The following EIF3E variants were observed in gnomAD, a reference collection of about 807,000 sequenced individuals.
EIF3E encodes the protein eukaryotic translation initiation factor 3 subunit E.
A neutral mutation model predicts 59.3 loss-of-function variants in EIF3E; 25 were observed. That is an observed-to-expected ratio of 0.42 (90% CI 0.31 to 0.59). EIF3E has a LOEUF of 0.59. Among genes scored for constraint, EIF3E ranks in the 20% least tolerant of loss-of-function variants. The probability of loss-of-function intolerance (pLI) is 0.15; values close to 1 mark genes in which losing one functional copy is unlikely to be tolerated. For synonymous variants in EIF3E, 176 were observed against 170.2 expected (o/e 1.03, Z -0.26); for missense variants, 317 against 534.3 (o/e 0.59, Z 4.01).
intron 7 of EIF3E, among the ~76,000 whole-genome samples, chr8:108,219,557 G>C (rs1586197794): frequency 6.6e-6 from 1 of 152,060 alleles, no homozygotes; most frequent in African/African-American, 2.4e-5. Flanking sequence ...AATCTGTAAT[G>C]AGATTTTACA....
rs767338182 is a variant in EIF3E, at chr8:108,229,210, A to G, written c.472-15T>C. On this transcript the variant is annotated splice_polypyrimidine_tract_variant and intron_variant, in intron 5 of 12. Coordinates refer to ENST00000220849, the MANE Select transcript of EIF3E (RefSeq NM_001568.3). Reference sequence around the variant, plus strand: ...GTTGCTGGAACCTGTTTAAGAAATCATAATTAATTATATTGTGAATACTCT... The same window carrying G: ...GTTGCTGGAACCTGTTTAAGAAATCGTAATTAATTATATTGTGAATACTCT... The G allele has an allele frequency of 1.2e-6, 2 of 1,610,490 alleles. No homozygotes were observed. The highest frequency in any genetic ancestry group is 1.3e-5 in the African/African-American group (1 of 74,722).
At chr8:108,243,647 A>G (rs1165792614) in intron 1 of EIF3E, among the ~76,000 whole-genome samples, 1 of 149,794 alleles carries the variant, frequency 6.7e-6, no homozygotes. Flanking sequence ...AGAAAAAAAA[A>G]AAAAAAAAAA....
At chr8:108,235,244 T>C (rs1356319346) in intron 4 of EIF3E, 142 bp from the exon 5 acceptor site, 3 of 486,960 alleles carry the variant, frequency 6.2e-6, no homozygotes, top group Non-Finnish European at 1.1e-5. Flanking sequence ...AATGTATCTC[T>C]GATTATGGTA....
Position 108,202,977 on chromosome 8 carries a change from T to A in EIF3E, c.1299+6A>T, listed in dbSNP as rs1231165198. The A allele has an allele frequency of 6.2e-7, 1 of 1,610,288 alleles. No individual in the cohort carries two copies. Among genetic ancestry groups the A allele is most frequent in the African/African-American group, 1.3e-5 (1 of 74,750 alleles). ...CCAGACAGAATAGAAGATGTGTGGT[T>A]CTTACCTCTGACCTGCTATTCTGAT... On this transcript the variant is annotated splice_donor_region_variant and intron_variant, in intron 12 of 12. Transcript: ENST00000220849.
intron 5 of EIF3E, among the ~76,000 whole-genome samples, chr8:108,231,133 A>G (rs1376674499): frequency 6.6e-6 from 1 of 152,200 alleles, no homozygotes; most frequent in African/African-American, 2.4e-5. Context: ...TTGAAAATTT[A>G]AAAACTGGTT....
intron 10 of EIF3E, among the ~76,000 whole-genome samples, 160 bp from the exon 11 acceptor site, chr8:108,203,663 C>A (rs563000051): frequency 6.6e-6 from 1 of 152,176 alleles, no homozygotes; most frequent in East Asian, 1.9e-4. Flanking sequence ...TGTTCATGTG[C>A]TTGTGCCTAT....
intron 5 of EIF3E, among the ~76,000 whole-genome samples, chr8:108,234,067 C>T (rs1371019133): frequency 6.6e-6 from 1 of 152,064 alleles, no homozygotes; most frequent in East Asian, 1.9e-4. Context: ...GAGTCTTGTT[C>T]TGTCACCCAG....
chr8:108,247,296 TCTA>T (rs1815965927), intron 1 of EIF3E, among the ~76,000 whole-genome samples: 1 of 152,194 alleles, frequency 6.6e-6, no homozygotes, highest in Non-Finnish European at 1.5e-5. Flanking sequence ...CAGAAGTACT[TCTA>T]CAAGCAGCTG....
chr8:108,225,105 A>C (rs915787862), intron 7 of EIF3E, among the ~76,000 whole-genome samples: 1 of 151,748 alleles, frequency 6.6e-6, no homozygotes, highest in Non-Finnish European at 1.5e-5. Flanking sequence ...AACAAGATGA[A>C]CCAGCTGCTT....
chr8:108,234,751 T>TA (rs1380260948), intron 5 of EIF3E: 1 of 288,042 alleles, frequency 3.5e-6, no homozygotes, highest in African/African-American at 2.2e-5. Context: ...CTAAAAATCA[T>TA]AAAATTGTTC....
In EIF3E at chr8:108,217,315, A is replaced by T; in HGVS notation, c.849+19T>A. 6.6e-7 allele frequency: 1 copy of T among 1,506,842 alleles called. No individual in the cohort carries two copies. The highest frequency in any genetic ancestry group is 2.5e-5 in the East Asian group (1 of 40,490). 93.3% of individuals were successfully genotyped at this position (1,506,842 alleles called of 1,614,324 possible). ...CTTAGGTATTTAAAAAAAAAAATCA[A>T]TATATATTTTAGTTTTACCTGTTGA... On this transcript the variant is annotated intron_variant, in intron 8 of 12. Coordinates refer to ENST00000220849, the MANE Select transcript of EIF3E (RefSeq NM_001568.3).
chr8:108,238,880 A>G (rs1441449596), intron 3 of EIF3E, among the ~76,000 whole-genome samples: 1 of 152,194 alleles, frequency 6.6e-6, no homozygotes, highest in East Asian at 1.9e-4. Flanking sequence ...GACAATATTC[A>G]ATTTTAGTAA....
At chr8:108,240,101 A>G in intron 2 of EIF3E, 26 bp from the exon 3 acceptor site, 1 of 1,559,204 alleles carries the variant, frequency 6.4e-7, no homozygotes, top group Non-Finnish European at 8.8e-7. Flanking sequence ...GAAGAGCACT[A>G]CAATGTTAAG....
intron 4 of EIF3E, 71 bp downstream of exon 4, chr8:108,236,090 A>G: frequency 8.0e-7 from 1 of 1,257,750 alleles, no homozygotes; most frequent in East Asian, 2.5e-5. Context: ...CCATAAGCTC[A>G]TCTGTACAAA....
At chr8:108,236,523 T>A (rs111252282) in intron 3 of EIF3E, among the ~76,000 whole-genome samples, 7 of 152,148 alleles carry the variant, frequency 4.6e-5, no homozygotes, top group African/African-American at 1.7e-4. Flanking sequence ...TCTAGTAAGG[T>A]CAGTAGTCTA....
rs374935365 is a variant in EIF3E, at chr8:108,236,179, G to A, written c.348C>T (p.Tyr116=). Residue 116 remains tyrosine, a synonymous_variant, in exon 4 of 13, where the codon TAC becomes TAT. Transcript: ENST00000220849. ...CACTTACACCATGCTTGTCCGCCAG[G>A]TAGTCAAAGAGCATCCTACCATCCC... ...STRDGRMLFD[Y]LADKHGFRQE... The A allele has an allele frequency of 1.2e-6, 2 of 1,610,242 alleles. No individual in the cohort carries two copies. Among genetic ancestry groups the A allele is most frequent in the Non-Finnish European group, 1.7e-6 (2 of 1,178,486 alleles).
At chr8:108,203,627 T>C (rs1369130580) in intron 10 of EIF3E, 124 bp from the exon 11 acceptor site, 2 of 727,252 alleles carry the variant, frequency 2.8e-6, no homozygotes, top group South Asian at 1.7e-5. Context: ...CCTTCTCTTA[T>C]ATACCATGAC....
intron 5 of EIF3E, among the ~76,000 whole-genome samples, chr8:108,231,024 T>C (rs985566082): frequency 6.6e-6 from 1 of 152,154 alleles, no homozygotes; most frequent in African/African-American, 2.4e-5. Flanking sequence ...GGGTGGAGTA[T>C]GGCCACAAAA....
chr8:108,244,422 C>T (rs934436930), intron 1 of EIF3E, among the ~76,000 whole-genome samples: 1 of 152,142 alleles, frequency 6.6e-6, no homozygotes, highest in African/African-American at 2.4e-5. Flanking sequence ...GCTGTCTCTT[C>T]CTCTGCTGTC....
Sources: gnomAD v4.1 joint callset for allele counts (sites outside exome capture counted in the v4.1 genomes callset) on GRCh38, gnomAD v4.1.1 for gene constraint, MANE v1.5 for transcripts, NCBI Gene and HGNC (gene_info 2026-07-23, HGNC 2026-07-21) for gene names.